The following SAMD4A variants were observed in gnomAD, a reference collection of about 807,000 sequenced individuals.
The protein encoded by SAMD4A is protein Smaug homolog 1.
In SAMD4A, 33 loss-of-function variants were observed where a neutral mutation model predicts 81.3. That is an observed-to-expected ratio of 0.41 (90% CI 0.31 to 0.54). SAMD4A has a LOEUF of 0.54. Among genes scored for constraint, SAMD4A ranks in the 20% least tolerant of loss-of-function variants. SAMD4A has a pLI of 0.37. For missense variants in SAMD4A, 854 were observed against 951.1 expected, an observed-to-expected ratio of 0.90 and a Z score of 1.34; for synonymous variants, 389 against 382.1, an observed-to-expected ratio of 1.02 and a Z score of -0.21.
intron 2 of SAMD4A, among the ~76,000 whole-genome samples, chr14:54,646,174 CTGAACATTATGT>C (rs1416331068): frequency 6.6e-6 from 1 of 152,176 alleles, no homozygotes; most frequent in Non-Finnish European, 1.5e-5. Flanking sequence ...CTAGGCGCTG[CTGAACATTATGT>C]GATTCCATTA....
intron 2 of SAMD4A, among the ~76,000 whole-genome samples, chr14:54,658,398 G>C (rs2035570845): frequency 6.6e-6 from 1 of 151,962 alleles, no homozygotes; most frequent in African/African-American, 2.4e-5. Context: ...CCTCACACTG[G>C]CTCAGTGACC....
intron 11 of SAMD4A, chr14:54,784,233 G>T: frequency 1.2e-6 from 1 of 816,514 alleles, no homozygotes. Flanking sequence ...TATGGGCCAG[G>T]GCAGGAGGTT....
chr14:54,572,315 A>G (rs2033152493), intron 2 of SAMD4A, among the ~76,000 whole-genome samples: 1 of 152,184 alleles, frequency 6.6e-6, no homozygotes, highest in African/African-American at 2.4e-5. Flanking sequence ...GAGGAGATAC[A>G]TTTGAGCTGA....
At chr14:54,697,723 G>A (rs1164137416) in intron 2 of SAMD4A, among the ~76,000 whole-genome samples, 2 of 152,136 alleles carry the variant, frequency 1.3e-5, no homozygotes, top group African/African-American at 2.4e-5. Flanking sequence ...CAATAAACAT[G>A]TTACACAGTT....
chr14:54,644,224 G>T (rs2035236581), intron 2 of SAMD4A, among the ~76,000 whole-genome samples: 2 of 152,206 alleles, frequency 1.3e-5, no homozygotes, highest in South Asian at 4.1e-4. Flanking sequence ...ACAGAGAGGT[G>T]TATCTTGTCT....
At chr14:54,595,225 G>A (rs1251914978) in intron 2 of SAMD4A, among the ~76,000 whole-genome samples, 1 of 151,980 alleles carries the variant, frequency 6.6e-6, no homozygotes, top group Non-Finnish European at 1.5e-5. Context: ...TCTACAGACT[G>A]TCTTAGCAAA....
chr14:54,659,132 G>A (rs2035585037), intron 2 of SAMD4A, among the ~76,000 whole-genome samples: 1 of 152,232 alleles, frequency 6.6e-6, no homozygotes, highest in Non-Finnish European at 1.5e-5. Context: ...ATATTAAAAG[G>A]ATATGTGTTT....
chr14:54,596,840 T>C (rs561313568), intron 2 of SAMD4A, among the ~76,000 whole-genome samples: 1 of 150,706 alleles, frequency 6.6e-6, no homozygotes, highest in South Asian at 2.1e-4. Flanking sequence ...GGGTGGAGAG[T>C]GGTTCTTGGT....
chr14:54,750,959 C>T (rs1209410586), intron 5 of SAMD4A, among the ~76,000 whole-genome samples: 12 of 152,100 alleles, frequency 7.9e-5, no homozygotes, highest in African/African-American at 2.4e-4. Context: ...TGTAGCCAGA[C>T]GGAGTTAGAA....
chr14:54,604,541 A>C (rs2034147516), intron 2 of SAMD4A, among the ~76,000 whole-genome samples: 1 of 152,230 alleles, frequency 6.6e-6, no homozygotes, highest in South Asian at 2.1e-4. Context: ...TGTCTATGCA[A>C]CGTACAATTT....
chr14:54,645,263 T>G (rs1459558268), intron 2 of SAMD4A, among the ~76,000 whole-genome samples: 1 of 152,158 alleles, frequency 6.6e-6, no homozygotes, highest in Non-Finnish European at 1.5e-5. Flanking sequence ...GCCGAGGAGT[T>G]TGAAACCAGC....
At chr14:54,592,836 A>G (rs1226103474) in intron 2 of SAMD4A, among the ~76,000 whole-genome samples, 1 of 152,150 alleles carries the variant, frequency 6.6e-6, no homozygotes, top group Non-Finnish European at 1.5e-5. Context: ...AGAGCCACGC[A>G]TTGCCTCTTA....
At chr14:54,695,953 GAA>G (rs35817270) in intron 2 of SAMD4A, among the ~76,000 whole-genome samples, 48 of 78,286 alleles carry the variant, frequency 6.1e-4, no homozygotes, top group Middle Eastern at 8.3e-3. Flanking sequence ...CTCCATCTCA[GAA>G]AAAAAAAAAA....
chr14:54,770,610 ATT>A (rs71131228), intron 9 of SAMD4A, among the ~76,000 whole-genome samples: 4 of 152,118 alleles, frequency 2.6e-5, no homozygotes, highest in African/African-American at 9.7e-5. Context: ...TGGTAGTGTG[ATT>A]TTTTTCCCCC....
chr14:54,698,153 T>G (rs1483270260), intron 2 of SAMD4A, among the ~76,000 whole-genome samples: 1 of 151,668 alleles, frequency 6.6e-6, no homozygotes, highest in Non-Finnish European at 1.5e-5. Flanking sequence ...GTTAACATAT[T>G]TTAAACCACA....
At chr14:54,765,798 G>T (rs1003199958) in intron 8 of SAMD4A, among the ~76,000 whole-genome samples, 4 of 152,166 alleles carry the variant, frequency 2.6e-5, no homozygotes, top group Non-Finnish European at 5.9e-5. Context: ...CATGGGCCCT[G>T]TGCTATCGAA....
intron 2 of SAMD4A, among the ~76,000 whole-genome samples, chr14:54,601,661 G>T (rs1240262474): frequency 6.6e-6 from 1 of 152,200 alleles, no homozygotes; most frequent in African/African-American, 2.4e-5. Context: ...AGTGGAATTT[G>T]TTGCGGTTAA....
chr14:54,633,238 C>T (rs943670403), intron 2 of SAMD4A, among the ~76,000 whole-genome samples: 17 of 152,014 alleles, frequency 1.1e-4, no homozygotes, highest in Non-Finnish European at 2.1e-4. Flanking sequence ...ATGATGAAAC[C>T]GAGCCAGCCA....
At chr14:54,650,579 C>G (rs1301321829) in intron 2 of SAMD4A, among the ~76,000 whole-genome samples, 1 of 152,188 alleles carries the variant, frequency 6.6e-6, no homozygotes, top group Admixed American at 6.5e-5. Context: ...TTCTCTTTCT[C>G]CAGAAAACAC....
Sources: gnomAD v4.1 joint callset for allele counts (sites outside exome capture counted in the v4.1 genomes callset) on GRCh38, gnomAD v4.1.1 for gene constraint, MANE v1.5 for transcripts, NCBI Gene and HGNC (gene_info 2026-07-23, HGNC 2026-07-21) for gene names.